The following SLC2A13 variants were observed in gnomAD, a reference collection of about 807,000 sequenced individuals.
The protein encoded by SLC2A13 is proton myo-inositol cotransporter.
Under a neutral mutation model 64.4 loss-of-function variants are expected in SLC2A13, and 32 were observed. The observed-to-expected ratio is 0.50, with a 90% CI of 0.37 to 0.67. The LOEUF is 0.67. SLC2A13 is among the 30% of genes least tolerant of loss of function. SLC2A13 has a pLI of 0.00. For missense variants in SLC2A13, 743 were observed against 829.2 expected, an observed-to-expected ratio of 0.90 and a Z score of 1.28; for synonymous variants, 338 against 327.1, an observed-to-expected ratio of 1.03 and a Z score of -0.36.
chr12:39,842,599 A>C (rs1293586510), intron 6 of SLC2A13, among the ~76,000 whole-genome samples: 1 of 152,028 alleles, frequency 6.6e-6, no homozygotes, highest in African/African-American at 2.4e-5. Flanking sequence ...CACTCACTAT[A>C]GCACATATTT....
chr12:39,995,402 T>C (rs1002023179), intron 3 of SLC2A13, among the ~76,000 whole-genome samples: 16 of 151,830 alleles, frequency 1.1e-4, no homozygotes, highest in African/African-American at 3.9e-4. Flanking sequence ...CTCTTCTCAT[T>C]TCCCCTCCCC....
intron 6 of SLC2A13, among the ~76,000 whole-genome samples, chr12:39,860,490 A>G (rs1053308274): frequency 1.3e-5 from 2 of 152,182 alleles, no homozygotes; most frequent in Non-Finnish European, 2.9e-5. Flanking sequence ...TCTTCATTCT[A>G]GAACTCTCCT....
In SLC2A13 at chr12:39,850,532, A is replaced by C. The variant is rs1367439393; in HGVS notation, c.1319+14230T>G. Among the ~76,000 whole-genome samples the C allele has an allele frequency of 3.9e-5, 6 of 152,174 alleles. No homozygotes were observed. In the East Asian group the frequency reaches 1.2e-3, roughly 29 times the overall value. On this transcript the variant is annotated intron_variant, in intron 6 of 9. Transcript: ENST00000280871. Reference sequence around the variant, plus strand: ...CTCTAGTCATATATAGCAAGCCAAAACATACACACTTAAGTTATATGAACA... The same window carrying C: ...CTCTAGTCATATATAGCAAGCCAAACCATACACACTTAAGTTATATGAACA...
intron 4 of SLC2A13, among the ~76,000 whole-genome samples, chr12:39,897,969 C>T (rs1334491524): frequency 2.0e-5 from 3 of 151,764 alleles, no homozygotes; most frequent in Non-Finnish European, 4.4e-5. Flanking sequence ...TTATTATATG[C>T]TTGGCACATA....
intron 7 of SLC2A13, among the ~76,000 whole-genome samples, chr12:39,806,472 A>G (rs1941982389): frequency 1.3e-5 from 2 of 152,190 alleles, no homozygotes; most frequent in Non-Finnish European, 2.9e-5. Context: ...CTGGGATCCA[A>G]TTAGAAGTCA....
At chr12:40,034,138 T>C (rs1036052358) in intron 2 of SLC2A13, among the ~76,000 whole-genome samples, 43 of 152,198 alleles carry the variant, frequency 2.8e-4, no homozygotes, top group Admixed American at 1.6e-3. Flanking sequence ...TTACACTACA[T>C]TGTATTTTTT....
intron 1 of SLC2A13, among the ~76,000 whole-genome samples, chr12:40,104,982 CT>C (rs1209703410): frequency 2.0e-5 from 3 of 152,180 alleles, no homozygotes; most frequent in Non-Finnish European, 4.4e-5. Context: ...GCAACAACCA[CT>C]TGGACTGACT....
At chr12:40,098,392 T>A (rs1021615469) in intron 1 of SLC2A13, among the ~76,000 whole-genome samples, 1 of 152,214 alleles carries the variant, frequency 6.6e-6, no homozygotes, top group Non-Finnish European at 1.5e-5. Context: ...TTTTGCAAGA[T>A]GAAAATGTTC....
rs888118222 is a variant in SLC2A13 at position 40,105,958 on chromosome 12, C to T, written c.-150G>A. 1.1e-6 allele frequency: 1 copy of T among 945,694 alleles called. No individual in the cohort carries two copies. Among genetic ancestry groups the T allele is most frequent in the African/African-American group, 1.7e-5 (1 of 57,982 alleles). 58.6% of individuals were successfully genotyped at this position (945,694 alleles called of 1,614,324 possible). A position where few individuals can be genotyped will look rare whatever the true frequency, so the allele number is the denominator to read the frequency against. ...CTCCGGCTGCCACGGCAGCAGCCGC[C>T]GCCACGGCCGCTCCGGGGAGAAAGT... On this transcript the variant is annotated 5_prime_UTR_variant, in exon 1 of 10. Coordinates refer to ENST00000280871, the MANE Select transcript of SLC2A13 (RefSeq NM_052885.4). This position sits in a 1 kb window ranked among gnomAD's most constrained non-coding sequence, Gnocchi z 4.2.
chr12:39,980,996 A>C (rs1263918360), intron 3 of SLC2A13, among the ~76,000 whole-genome samples: 3 of 151,922 alleles, frequency 2.0e-5, no homozygotes, highest in Admixed American at 2.0e-4. Context: ...AGTGCAATCA[A>C]ACTAGAACTC....
chr12:40,066,843 A>G (rs1488879893), intron 1 of SLC2A13, among the ~76,000 whole-genome samples: 1 of 152,248 alleles, frequency 6.6e-6, no homozygotes, highest in Non-Finnish European at 1.5e-5. Flanking sequence ...ACAGAGCCAC[A>G]TAACTATCAA....
rs113742413 is a variant in SLC2A13 at position 39,997,688 on chromosome 12, G to A, written c.925+30613C>T. 9.9e-5 allele frequency among the ~76,000 whole-genome samples: 15 copies of A among 152,158 alleles called. 2 individuals are homozygous for A. The highest frequency in any genetic ancestry group is 3.1e-4 in the African/African-American group (13 of 41,502). On this transcript the variant is annotated intron_variant, in intron 3 of 9. Transcript: ENST00000280871. ...TACTAAAAAATACAAAAAATTATCCGGGCATGGTGGCGGGTGCTTGTAGTC... is the reference window on the plus strand; with the variant it reads ...TACTAAAAAATACAAAAAATTATCCAGGCATGGTGGCGGGTGCTTGTAGTC...
At chr12:39,765,285 A>G (rs1286788304) in intron 7 of SLC2A13, among the ~76,000 whole-genome samples, 1 of 152,070 alleles carries the variant, frequency 6.6e-6, no homozygotes, top group African/African-American at 2.4e-5. Flanking sequence ...GGATTAGAAG[A>G]GTAACCTGTA....
intron 4 of SLC2A13, among the ~76,000 whole-genome samples, chr12:39,919,221 G>A (rs1177586234): frequency 6.6e-6 from 1 of 152,024 alleles, no homozygotes; most frequent in Admixed American, 6.6e-5. Flanking sequence ...GAGCCACTGT[G>A]CTCGGCCGAT....
intron 7 of SLC2A13, among the ~76,000 whole-genome samples, chr12:39,818,489 A>G (rs1399690985): frequency 6.6e-6 from 1 of 152,208 alleles, no homozygotes; most frequent in East Asian, 1.9e-4. Context: ...CTGAGTAATT[A>G]CCTTCTTTGT....
rs763547027 is a variant in SLC2A13 at position 40,105,488 on chromosome 12, C to T, written c.321G>A (p.Leu107=). The change falls in exon 1 of 10, where the codon CTG becomes CTA. Residue 107 remains leucine (L), a synonymous_variant. Transcript: ENST00000280871. The surrounding 1 kb of genome is among the most constrained non-coding windows in gnomAD (Gnocchi z 4.2). Reference sequence around the variant, plus strand: ...CCAGACTGAGCTGCCGCTTGAGCAGCAGCATGGCCCCTGACACCACCCCGG... The same window carrying T: ...CCAGACTGAGCTGCCGCTTGAGCAGTAGCATGGCCCCTGACACCACCCCGG... ...YDTGVVSGAM[L]LLKRQLSLDA... is the part of the protein sequence containing the mutation. 12 of 1,573,788 alleles carry T rather than the reference C, an allele frequency of 7.6e-6. 1 individual carries two copies. In the South Asian group the frequency reaches 8.1e-5, roughly 11 times the overall value.
chr12:39,809,182 C>T (rs1942067872), intron 7 of SLC2A13, among the ~76,000 whole-genome samples: 1 of 152,106 alleles, frequency 6.6e-6, no homozygotes, highest in Non-Finnish European at 1.5e-5. Context: ...ATTCTTTCCC[C>T]ATTGGATTAA....
intron 1 of SLC2A13, among the ~76,000 whole-genome samples, chr12:40,064,544 A>G (rs2136258061): frequency 6.6e-6 from 1 of 152,272 alleles, no homozygotes; most frequent in African/African-American, 2.4e-5. Flanking sequence ...TTTAAAATCA[A>G]GGGAACTTCA....
At chr12:39,968,391 G>C (rs12301617) in intron 3 of SLC2A13, among the ~76,000 whole-genome samples, 20,766 of 152,002 alleles carry the variant, frequency 0.14, 1,470 homozygotes, top group South Asian at 0.23. Flanking sequence ...GATGCATGGG[G>C]ATTATGGGAA....
Sources: allele counts gnomAD v4.1 joint callset (sites outside exome capture counted in the v4.1 genomes callset), GRCh38; gene constraint gnomAD v4.1.1; non-coding constraint Gnocchi (gnomAD v3.1); transcripts MANE v1.5; gene names NCBI Gene and HGNC (gene_info 2026-07-23, HGNC 2026-07-21).